Variants in RABEP1 observed in about 807,000 individuals in gnomAD.
RABEP1 encodes rabaptin, RAB GTPase binding effector protein 1.
A neutral mutation model predicts 123.4 loss-of-function variants in RABEP1; 51 were observed. That is an observed-to-expected ratio of 0.41 (90% confidence interval 0.33 to 0.52). RABEP1 has a LOEUF of 0.52. Among genes scored for constraint, RABEP1 ranks in the 20% least tolerant of loss-of-function variants. RABEP1 has a pLI of 0.16. For synonymous variants in RABEP1, 347 were observed against 355.2 expected, an observed-to-expected ratio of 0.98 and a Z score of 0.26; for missense variants, 888 against 996.3, an observed-to-expected ratio of 0.89 and a Z score of 1.46.
At chr17:5,366,757 A>G (rs118094675) in intron 11 of RABEP1, among the ~76,000 whole-genome samples, 1 of 151,532 alleles carries the variant, frequency 6.6e-6, no homozygotes, top group African/African-American at 2.4e-5. Flanking sequence ...TTATGTCTTC[A>G]TTAATGGTGT....
At chr17:5,336,159 ATAAT>A in intron 4 of RABEP1, among the ~76,000 whole-genome samples, 1 of 152,330 alleles carries the variant, frequency 6.6e-6, no homozygotes, top group Middle Eastern at 3.4e-3. Context: ...ATTGTATAAA[ATAAT>A]TAGTAATTGA....
intron 2 of RABEP1, among the ~76,000 whole-genome samples, chr17:5,325,596 C>G (rs776180409): frequency 6.6e-6 from 1 of 151,748 alleles, no homozygotes; most frequent in Admixed American, 6.6e-5. Flanking sequence ...GAAATAAGAC[C>G]TAGTGTTAAA....
rs147442061 is a variant in RABEP1 at position 5,365,812 on chromosome 17, G to A, written c.1785+574G>A. The stretch of plus-strand genomic sequence containing the variant: ...TGTTCTTTTGCGTCTGTGTTCCTCC[G>A]TTCAACAGTGTACTATTCCTACTCG... On this transcript the variant is annotated intron_variant, in intron 11 of 17. Coordinates refer to ENST00000537505, the MANE Select transcript of RABEP1 (RefSeq NM_004703.6). Among the ~76,000 whole-genome samples the A allele has an allele frequency of 7.6e-4, 116 of 152,248 alleles. No homozygotes were observed. In the East Asian group the frequency reaches 0.017, roughly 23 times the overall value.
chr17:5,341,415 TA>T (rs1422864101), intron 5 of RABEP1, among the ~76,000 whole-genome samples: 1 of 152,094 alleles, frequency 6.6e-6, no homozygotes, highest in Non-Finnish European at 1.5e-5. Flanking sequence ...ACAGGAAAGG[TA>T]GTCAGTAATT....
At chr17:5,369,614 G>A (rs557833363) in intron 12 of RABEP1, among the ~76,000 whole-genome samples, 46 of 152,016 alleles carry the variant, frequency 3.0e-4, no homozygotes, top group Non-Finnish European at 5.7e-4. Context: ...TAACACTGGC[G>A]TAAAAATCAC....
In RABEP1 at chr17:5,311,719, AAC is replaced by A. The variant is rs1491540528; in HGVS notation, c.163+2899_163+2900del. On this transcript the variant is annotated intron_variant, in intron 2 of 17. Transcript: ENST00000537505. ...TCTCAAAAAAAAAAAAAAAAAAAAA[AAC>A]AGACTAAAAAATAGGAAAATATAAA... Among the ~76,000 whole-genome samples the A allele has an allele frequency of 4.8e-3, 696 of 145,652 alleles. 4 individuals carry two copies. Among genetic ancestry groups the A allele is most frequent in the African/African-American group, 0.018 (656 of 36,968 alleles).
In RABEP1 at chr17:5,308,782, A is replaced by G; in HGVS notation, c.123A>G (p.Gln41=). Residue 41 remains glutamine, a synonymous_variant, in exon 2 of 18, where the codon CAA becomes CAG. Transcript: ENST00000537505. ...AGCAGCTTGAACAAGAATTTAATCA[A>G]AAGAGAGCAAAATTTAAGGAGTTAT... is the stretch of plus-strand genomic sequence containing the variant. ...AQQQLEQEFN[Q]KRAKFKELYL... 6.2e-7 allele frequency: 1 copy of G among 1,611,178 alleles called. No homozygotes were observed. Among genetic ancestry groups the G allele is most frequent in the Non-Finnish European group, 8.5e-7 (1 of 1,178,014 alleles).
intron 15 of RABEP1, chr17:5,378,735 C>T (rs1911202825): frequency 5.6e-6 from 1 of 178,480 alleles, no homozygotes; most frequent in Non-Finnish European, 1.2e-5. Context: ...TGACATCTCA[C>T]TGCAGCCTTA....
At chr17:5,290,847 C>T (rs2075026490) in intron 1 of RABEP1, among the ~76,000 whole-genome samples, 2 of 151,914 alleles carry the variant, frequency 1.3e-5, no homozygotes, top group South Asian at 2.1e-4. Flanking sequence ...CTGCCCACCT[C>T]GGCCTACAAA....
intron 12 of RABEP1, among the ~76,000 whole-genome samples, chr17:5,371,059 C>T (rs1033814067): frequency 6.6e-5 from 10 of 152,004 alleles, no homozygotes; most frequent in Admixed American, 1.3e-4. Flanking sequence ...CTCCGCCTCC[C>T]GGGCTCACGC....
intron 5 of RABEP1, among the ~76,000 whole-genome samples, chr17:5,338,390 C>A (rs1395980259): frequency 6.6e-6 from 1 of 152,128 alleles, no homozygotes; most frequent in East Asian, 1.9e-4. Context: ...GGAGAAACCC[C>A]ATCTCTACTA....
intron 11 of RABEP1, among the ~76,000 whole-genome samples, chr17:5,366,761 A>T (rs1910028908): frequency 6.6e-6 from 1 of 151,452 alleles, no homozygotes; most frequent in Non-Finnish European, 1.5e-5. Flanking sequence ...GTCTTCATTA[A>T]TGGTGTCTTT....
intron 2 of RABEP1, 49 bp from the exon 3 acceptor site, chr17:5,331,900 G>A (rs1291454066): frequency 2.6e-6 from 4 of 1,528,090 alleles, no homozygotes; most frequent in Admixed American, 3.4e-5. Context: ...TGGAATGCCA[G>A]TCTGATCAAA....
chr17:5,314,829 A>G (rs992215531), intron 2 of RABEP1, among the ~76,000 whole-genome samples: 1 of 151,988 alleles, frequency 6.6e-6, no homozygotes, highest in Non-Finnish European at 1.5e-5. Flanking sequence ...TATTTCTGAA[A>G]GTTTTATTGC....
chr17:5,334,050 GTTT>G (rs574483910), intron 3 of RABEP1, among the ~76,000 whole-genome samples: 2 of 138,734 alleles, frequency 1.4e-5, no homozygotes, highest in African/African-American at 2.6e-5. Context: ...TTACCTAGTG[GTTT>G]TTTTTTTTTT....
chr17:5,375,226 CTG>C (rs1174197293), intron 13 of RABEP1, among the ~76,000 whole-genome samples: 4 of 147,378 alleles, frequency 2.7e-5, no homozygotes, highest in African/African-American at 7.6e-5. Flanking sequence ...ATTAACATGA[CTG>C]TTATTTTTTA....
At chr17:5,316,847 A>AT (rs1273670093) in intron 2 of RABEP1, among the ~76,000 whole-genome samples, 1 of 151,144 alleles carries the variant, frequency 6.6e-6, no homozygotes, top group African/African-American at 2.4e-5. Context: ...AAAAAAAAAA[A>AT]AAAAAAAAAT....
intron 7 of RABEP1, 32 bp from the exon 8 acceptor site, chr17:5,354,327 G>A: frequency 6.4e-7 from 1 of 1,572,704 alleles, no homozygotes; most frequent in Non-Finnish European, 8.6e-7. Flanking sequence ...TAGGTTACTT[G>A]GGTCATATAT....
chr17:5,367,494 C>T (rs924490439), intron 11 of RABEP1, among the ~76,000 whole-genome samples: 1 of 151,882 alleles, frequency 6.6e-6, no homozygotes, highest in Admixed American at 6.6e-5. Flanking sequence ...TGGTCTCGAA[C>T]TCCTGACTTT....
Sources: gnomAD v4.1 joint callset for allele counts (sites outside exome capture counted in the v4.1 genomes callset) on GRCh38, gnomAD v4.1.1 for gene constraint, MANE v1.5 for transcripts, NCBI Gene and HGNC (gene_info 2026-07-23, HGNC 2026-07-21) for gene names.